Variants in VIT observed in about 807,000 individuals in gnomAD.
VIT encodes vitrin.
In VIT, 99 loss-of-function variants were observed where a neutral mutation model predicts 78.0. The ratio of observed to expected loss-of-function variants is 1.27; its 90% confidence interval spans 1.08 to 1.50. VIT has a LOEUF of 1.50. VIT is among the 40% of genes most tolerant of loss of function. VIT has a pLI of 0.00. For missense variants in VIT, 1,126 were observed against 875.3 expected, an observed-to-expected ratio of 1.29 and a Z score of -3.61; for synonymous variants, 374 against 334.3, an observed-to-expected ratio of 1.12 and a Z score of -1.29.
intron 14 of VIT, among the ~76,000 whole-genome samples, chr2:36,805,955 C>A (rs1451029653): frequency 6.6e-6 from 1 of 152,090 alleles, no homozygotes; most frequent in Non-Finnish European, 1.5e-5. Flanking sequence ...GCCCAAGGAG[C>A]CTTTACACAT....
intron 12 of VIT, among the ~76,000 whole-genome samples, chr2:36,795,569 C>G (rs983782002): frequency 6.6e-6 from 1 of 151,808 alleles, no homozygotes; most frequent in Non-Finnish European, 1.5e-5. Flanking sequence ...CATGCCACCA[C>G]GCCCGGCTAA....
At chr2:36,806,687 C>T (rs916866557) in intron 14 of VIT, among the ~76,000 whole-genome samples, 2 of 152,190 alleles carry the variant, frequency 1.3e-5, no homozygotes, top group East Asian at 1.9e-4. Context: ...GCTGGGACTA[C>T]AGGCACACAC....
At chr2:36,761,832 T>G (rs1050782325) in intron 6 of VIT, among the ~76,000 whole-genome samples, 1 of 152,222 alleles carries the variant, frequency 6.6e-6, no homozygotes, top group Non-Finnish European at 1.5e-5. Context: ...TAACCTTCTG[T>G]GACTGTAGTC....
At chr2:36,767,671 T>A (rs1669515932) in intron 7 of VIT, among the ~76,000 whole-genome samples, 1 of 152,230 alleles carries the variant, frequency 6.6e-6, no homozygotes, top group South Asian at 2.1e-4. Flanking sequence ...AGAATCCCTT[T>A]AGGAAAAGTC....
intron 4 of VIT, among the ~76,000 whole-genome samples, chr2:36,747,442 G>A (rs1241749144): frequency 1.3e-5 from 2 of 152,186 alleles, no homozygotes; most frequent in African/African-American, 4.8e-5. Context: ...CTTTCCATGG[G>A]ACTAGAAGTA....
At chr2:36,798,398 G>C (rs1666061532) in intron 12 of VIT, among the ~76,000 whole-genome samples, 1 of 152,198 alleles carries the variant, frequency 6.6e-6, no homozygotes, top group Non-Finnish European at 1.5e-5. Flanking sequence ...CAGGACCTGA[G>C]GGATGGGGGC....
At chr2:36,778,517 T>C (rs970937222) in intron 9 of VIT, among the ~76,000 whole-genome samples, 2 of 152,210 alleles carry the variant, frequency 1.3e-5, no homozygotes, top group African/African-American at 4.8e-5. Flanking sequence ...ACCATGGAGT[T>C]AATGTTTCCA....
rs565687284 is a variant in VIT at position 36,776,950 on chromosome 2, G to C, written c.802+1883G>C. Among the ~76,000 whole-genome samples the C allele has an allele frequency of 1.0e-4, 15 of 149,906 alleles. No individual in the cohort carries two copies. The East Asian group carries it at 2.8e-3, about 28-fold the overall frequency. ...TAAAAACACAAAAAATTAGCCAGGC[G>C]TGGTGGCGGGCGCCTGTAGTCCCAG... On this transcript the variant is annotated intron_variant, in intron 9 of 15. Coordinates refer to ENST00000379242, the MANE Select transcript of VIT (RefSeq NM_053276.4).
intron 1 of VIT, among the ~76,000 whole-genome samples, chr2:36,713,931 A>G (rs1037780494): frequency 6.6e-6 from 1 of 152,258 alleles, no homozygotes; most frequent in African/African-American, 2.4e-5. Flanking sequence ...TCTCAAGTTA[A>G]TAAAATACAA....
At chr2:36,740,430 C>T (rs763632071) in intron 3 of VIT, among the ~76,000 whole-genome samples, 1 of 152,186 alleles carries the variant, frequency 6.6e-6, no homozygotes, top group Non-Finnish European at 1.5e-5. Context: ...CCTGGCTGAA[C>T]ATAGACATTA....
In VIT at chr2:36,808,574, C is replaced by A. The variant is rs141665993; in HGVS notation, c.1492C>A (p.Arg498Ser). Residue 498 changes from arginine (R) to serine (S), a missense_variant, in exon 15 of 16, where the codon CGC (arginine) becomes AGC (serine). By Grantham distance (110) the Arg-to-Ser change is moderately radical. Coordinates refer to ENST00000379242, the MANE Select transcript of VIT (RefSeq NM_053276.4). ...PLVKRVCDTD[R>S]LACSKTCLNS... ...GGTGAAGCGGGTCTGCGACACTGAC[C>A]GCCTGGCCTGCAGCAAGACCTGCTT... 13 of 1,613,988 alleles carry A rather than the reference C, an allele frequency of 8.1e-6. No individual in the cohort carries two copies. The highest frequency in any genetic ancestry group is 1.3e-5 in the African/African-American group (1 of 74,914).
intron 9 of VIT, among the ~76,000 whole-genome samples, chr2:36,780,560 T>C (rs538215985): frequency 1.6e-4 from 24 of 152,248 alleles, no homozygotes; most frequent in African/African-American, 5.1e-4. Context: ...TCACAAAGGG[T>C]ATGTGACTAG....
At chr2:36,804,079 T>C (rs1310884765) in intron 13 of VIT, among the ~76,000 whole-genome samples, 1 of 152,250 alleles carries the variant, frequency 6.6e-6, no homozygotes, top group Non-Finnish European at 1.5e-5. Context: ...TAGTTGACTC[T>C]GAAAATTTCC....
intron 3 of VIT, among the ~76,000 whole-genome samples, chr2:36,742,831 C>T (rs1171440028): frequency 6.6e-6 from 1 of 152,198 alleles, no homozygotes; most frequent in East Asian, 1.9e-4. Flanking sequence ...TCAGAGATCT[C>T]TGCTTTGTTA....
Position 36,814,212 on chromosome 2 carries a change from TG to T in VIT, c.1936del (p.Ala646LeufsTer6), listed in dbSNP as rs750149297. 18 of 1,614,112 alleles carry T rather than the reference TG, an allele frequency of 1.1e-5. No individual in the cohort carries two copies. Among genetic ancestry groups the T allele is most frequent in the Non-Finnish European group, 1.5e-5 (18 of 1,180,040 alleles). On this transcript the variant is annotated frameshift_variant, in exon 16 of 16. Coordinates refer to ENST00000379242, the MANE Select transcript of VIT (RefSeq NM_053276.4). LOFTEE classifies it high-confidence loss of function. ...GVITYAIGVA[W>X]AAQEELEVIA... ...GATCACCTATGCGATAGGCGTTGCC[TG>T]GGCTGCCCAAGAGGAGCTAGAAGTC...
intron 13 of VIT, among the ~76,000 whole-genome samples, chr2:36,801,775 GAA>G (rs1302575854): frequency 2.1e-5 from 3 of 141,730 alleles, no homozygotes; most frequent in African/African-American, 5.2e-5. Flanking sequence ...GACTCCATCT[GAA>G]AAAAAAAAAA....
intron 12 of VIT, among the ~76,000 whole-genome samples, chr2:36,795,506 G>C (rs1160297000): frequency 1.3e-5 from 2 of 151,870 alleles, no homozygotes; most frequent in Middle Eastern, 3.4e-3. Flanking sequence ...TCCGCCTCCC[G>C]GGTTCAAGCG....
chr2:36,765,175 C>A (rs947234412), intron 6 of VIT, among the ~76,000 whole-genome samples: 2 of 152,080 alleles, frequency 1.3e-5, no homozygotes, highest in Admixed American at 6.6e-5. Context: ...CCCAGGTGGG[C>A]TCTAAATGCA....
intron 1 of VIT, among the ~76,000 whole-genome samples, chr2:36,709,112 T>C (rs1250575606): frequency 1.3e-5 from 2 of 152,150 alleles, no homozygotes; most frequent in African/African-American, 4.8e-5. Flanking sequence ...ATCACGCCAC[T>C]GCACTCCAGC....
Sources: allele counts gnomAD v4.1 joint callset (sites outside exome capture counted in the v4.1 genomes callset), GRCh38; gene constraint gnomAD v4.1.1; transcripts MANE v1.5; gene names NCBI Gene and HGNC (gene_info 2026-07-23, HGNC 2026-07-21).